Variants in TCF12 observed in about 807,000 individuals in gnomAD.
The protein encoded by TCF12 is transcription factor 12, also known as DNA-binding protein HTF4.
A neutral mutation model predicts 86.0 loss-of-function variants in TCF12; 45 were observed. The ratio of observed to expected loss-of-function variants is 0.52; its 90% confidence interval spans 0.41 to 0.67. TCF12 has a LOEUF of 0.67. TCF12 is among the 30% of genes least tolerant of loss of function. The probability of loss-of-function intolerance (pLI) is 0.00; values close to 1 mark genes in which losing one functional copy is unlikely to be tolerated. For synonymous variants in TCF12, 330 were observed against 299.6 expected, an observed-to-expected ratio of 1.10 and a Z score of -1.05; for missense variants, 881 against 859.9, an observed-to-expected ratio of 1.02 and a Z score of -0.31.
chr15:57,198,321 T>C (rs1466573046), intron 8 of TCF12, among the ~76,000 whole-genome samples: 6 of 152,190 alleles, frequency 3.9e-5, no homozygotes, highest in Non-Finnish European at 7.3e-5. Context: ...CAGATGTTCA[T>C]TGTGAAGCCC....
At chr15:57,047,792 A>G (rs193149365) in intron 3 of TCF12, among the ~76,000 whole-genome samples, 82 of 152,352 alleles carry the variant, frequency 5.4e-4, no homozygotes, top group Admixed American at 1.6e-3. Flanking sequence ...GTTTTGAGAA[A>G]TGCCTTGTTA....
At chr15:57,063,998 G>A (rs1184422535) in intron 4 of TCF12, among the ~76,000 whole-genome samples, 175 bp downstream of exon 4, 1 of 152,106 alleles carries the variant, frequency 6.6e-6, no homozygotes, top group African/African-American at 2.4e-5. Context: ...TCAAACTTTG[G>A]AAATTTAATT....
chr15:56,994,177 A>C (rs1238540218), intron 3 of TCF12, among the ~76,000 whole-genome samples: 1 of 152,198 alleles, frequency 6.6e-6, no homozygotes, highest in African/African-American at 2.4e-5. Context: ...ATCAATAGAA[A>C]TTTTTAAATC....
chr15:57,158,114 G>A (rs1225764859), intron 5 of TCF12, among the ~76,000 whole-genome samples: 1 of 151,944 alleles, frequency 6.6e-6, no homozygotes, highest in Non-Finnish European at 1.5e-5. Flanking sequence ...GCATGAGGAA[G>A]GGTAGTTGAG....
intron 5 of TCF12, among the ~76,000 whole-genome samples, chr15:57,123,906 C>G (rs1357358543): frequency 2.7e-5 from 4 of 148,246 alleles, no homozygotes; most frequent in African/African-American, 9.9e-5. Context: ...GGAGTCAGAG[C>G]TTGCAGTTAG....
chr15:57,173,298 A>G (rs1363335596), intron 6 of TCF12, among the ~76,000 whole-genome samples: 1 of 152,236 alleles, frequency 6.6e-6, no homozygotes, highest in African/African-American at 2.4e-5. Context: ...AGCTTGTATT[A>G]GAAAAGATGT....
intron 5 of TCF12, among the ~76,000 whole-genome samples, chr15:57,162,677 A>G (rs2054583416): frequency 6.6e-6 from 1 of 152,236 alleles, no homozygotes; most frequent in African/African-American, 2.4e-5. Context: ...TTTAATAAGC[A>G]CAGGAAAGTA....
intron 5 of TCF12, among the ~76,000 whole-genome samples, chr15:57,115,124 G>A (rs2050754040): frequency 6.6e-6 from 1 of 151,968 alleles, no homozygotes; most frequent in South Asian, 2.1e-4. Context: ...ATATTCTTTT[G>A]GGTTCTGTTT....
At chr15:57,040,075 T>C (rs1395082165) in intron 3 of TCF12, among the ~76,000 whole-genome samples, 1 of 152,264 alleles carries the variant, frequency 6.6e-6, no homozygotes, top group African/African-American at 2.4e-5. Context: ...TATTGGCTTT[T>C]TGAGTAACTT....
At chr15:57,145,018 T>C (rs1229292214) in intron 5 of TCF12, among the ~76,000 whole-genome samples, 2 of 152,224 alleles carry the variant, frequency 1.3e-5, no homozygotes, top group African/African-American at 4.8e-5. Flanking sequence ...AAAAATACTT[T>C]TCCTGTATCA....
chr15:57,105,457 C>T (rs1251735879), intron 5 of TCF12, among the ~76,000 whole-genome samples: 1 of 152,082 alleles, frequency 6.6e-6, no homozygotes, highest in African/African-American at 2.4e-5. Flanking sequence ...GTCACCTAGG[C>T]TAGACTGCAG....
rs180917537 is a variant in TCF12 at position 57,177,569 on chromosome 15, T to C, written c.390+11103T>C. ...TACAGGCGTGAGCCACTGTGCCCAG[T>C]CAATAGACACTTTTAATGTCCTATT... On this transcript the variant is annotated intron_variant, in intron 6 of 20. Transcript: ENST00000333725. Among the ~76,000 whole-genome samples, 795 of 146,146 alleles carry C rather than the reference T, an allele frequency of 5.4e-3. 8 individuals carry two copies. The highest frequency in any genetic ancestry group is 6.2e-3 in the Non-Finnish European group (414 of 66,746).
At chr15:57,017,730 T>C (rs575848243) in intron 3 of TCF12, among the ~76,000 whole-genome samples, 42 of 150,182 alleles carry the variant, frequency 2.8e-4, no homozygotes, top group African/African-American at 7.8e-4. Context: ...TTCTTTCTTT[T>C]TTTTTTTTTT....
chr15:57,203,949 C>G (rs542203943), intron 8 of TCF12, among the ~76,000 whole-genome samples: 1 of 152,272 alleles, frequency 6.6e-6, no homozygotes, highest in South Asian at 2.1e-4. Context: ...CCACCATGTT[C>G]ACTCCATTGC....
At chr15:57,016,887 T>A (rs778616307) in intron 3 of TCF12, among the ~76,000 whole-genome samples, 6 of 152,192 alleles carry the variant, frequency 3.9e-5, no homozygotes, top group Non-Finnish European at 7.3e-5. Flanking sequence ...CAGCCATACT[T>A]ACTGTGCATT....
chr15:56,997,512 A>G (rs1201793053), intron 3 of TCF12, among the ~76,000 whole-genome samples: 1 of 152,168 alleles, frequency 6.6e-6, no homozygotes, highest in African/African-American at 2.4e-5. Context: ...ATAACTACTT[A>G]TTAGATATTG....
At chr15:56,993,791 T>G (rs909166110) in intron 3 of TCF12, among the ~76,000 whole-genome samples, 5 of 152,200 alleles carry the variant, frequency 3.3e-5, no homozygotes, top group African/African-American at 1.2e-4. Context: ...ATATTACCAG[T>G]GTCCACAGGA....
Position 57,030,040 on chromosome 15 carries a change from G to A in TCF12, c.149-33710G>A, listed in dbSNP as rs191546864. ...GAGTAGAGTCGCTATGAACATTTTT[G>A]TGCATGTTTTTGTATGAACATAAGT... On this transcript the variant is annotated intron_variant, in intron 3 of 20. Coordinates refer to ENST00000333725, the MANE Select transcript of TCF12 (RefSeq NM_207037.2). 1.2e-4 allele frequency among the ~76,000 whole-genome samples: 18 copies of A among 149,366 alleles called. No individual in the cohort carries two copies. The East Asian group carries it at 3.6e-3, about 30-fold the overall frequency.
rs112507935 is a variant in TCF12, at chr15:57,236,506, C to A, written c.1035+2399C>A. Among the ~76,000 whole-genome samples the A allele has an allele frequency of 1.2e-4, 18 of 152,148 alleles. 1 individual carries two copies. The highest frequency in any genetic ancestry group is 4.3e-4 in the African/African-American group (18 of 41,522). ...TTAGAATGTGACGCTTTTAATATAG[C>A]CTCTGGTTTTAGATGGAGAAACACT... On this transcript the variant is annotated intron_variant, in intron 12 of 20. Coordinates refer to ENST00000333725, the MANE Select transcript of TCF12 (RefSeq NM_207037.2).
Sources: gnomAD v4.1 joint callset for allele counts (sites outside exome capture counted in the v4.1 genomes callset) on GRCh38, gnomAD v4.1.1 for gene constraint, MANE v1.5 for transcripts, NCBI Gene and HGNC (gene_info 2026-07-23, HGNC 2026-07-21) for gene names.